The following BCOR variants were observed in gnomAD, a reference collection of about 807,000 sequenced individuals.
BCOR encodes the protein BCL6 corepressor, also known as BCL-6 corepressor.
BCOR carries 10 observed loss-of-function variants against 86.7 expected under a neutral mutation model. The observed-to-expected ratio is 0.12, with a 90% confidence interval of 0.07 to 0.20. BCOR has a LOEUF of 0.20. Ranked by LOEUF, BCOR falls within the 10% of genes least tolerant of loss-of-function variation. BCOR has a pLI of 1.00. For missense variants in BCOR, 1,259 were observed against 1,452.1 expected, an observed-to-expected ratio of 0.87 and a Z score of 2.16; for synonymous variants, 611 against 609.0, an observed-to-expected ratio of 1.00 and a Z score of -0.05.
At chrX:40,107,431 G>A (rs1210017255) in intron 1 of BCOR, among the ~76,000 whole-genome samples, 1 of 111,932 alleles carries the variant, frequency 8.9e-6, no homozygotes, top group Non-Finnish European at 1.9e-5. Flanking sequence ...AAGCGCGCGC[G>A]CTCCCTAGCT....
chrX:40,128,649 G>A (rs994976798), intron 1 of BCOR, among the ~76,000 whole-genome samples: 1 of 112,131 alleles, frequency 8.9e-6, no homozygotes, highest in East Asian at 2.8e-4. Flanking sequence ...AGGGAGCAGG[G>A]ACCACCTTGC....
intron 1 of BCOR, among the ~76,000 whole-genome samples, chrX:40,122,864 T>G (rs1404279953): frequency 1.8e-5 from 2 of 111,992 alleles, no homozygotes; most frequent in East Asian, 5.6e-4. Flanking sequence ...GCTTTTGCCA[T>G]CAAAGGCTTA....
intron 1 of BCOR, among the ~76,000 whole-genome samples, chrX:40,175,137 T>C (rs1790697355): frequency 9.5e-6 from 1 of 104,995 alleles, no homozygotes; most frequent in South Asian, 4.8e-4. Flanking sequence ...CTGTCATTTT[T>C]TCCATCGGTC....
Position 40,071,053 on chromosome X carries a change from C to T in BCOR, c.3158G>A (p.Arg1053Lys), listed in dbSNP as rs1935451934. 1 of 1,209,672 alleles carries T rather than the reference C, an allele frequency of 8.3e-7. No individual in the cohort carries two copies. The highest frequency in any genetic ancestry group is 1.8e-5 in the African/African-American group (1 of 57,076). The change falls in exon 6 of 15, where the codon AGG becomes AAG. Residue 1053 changes from arginine to lysine, a missense_variant. Transcript: ENST00000378444. ...CTTTTTGTCCTGATTTCCTTTCAAC[C>T]TTTCCCAGTCGGCTGGGCTGAATTT... ...MCKFSPADWE[R>K]LKGNQDKKPK... is the part of the protein sequence containing the mutation.
intron 1 of BCOR, among the ~76,000 whole-genome samples, chrX:40,161,111 G>A (rs974620342): frequency 1.9e-5 from 2 of 105,667 alleles, no homozygotes; most frequent in African/African-American, 7.0e-5. Flanking sequence ...GGGCTGGAGC[G>A]ATTCTCCCAC....
chrX:40,106,390 G>A (rs953017910), intron 1 of BCOR, among the ~76,000 whole-genome samples: 1 of 112,230 alleles, frequency 8.9e-6, no homozygotes, highest in Non-Finnish European at 1.9e-5. Context: ...GGCGTGTGCG[G>A]CGGCCCCGCG....
At chrX:40,148,150 C>A (rs1453770240) in intron 1 of BCOR, among the ~76,000 whole-genome samples, 1 of 112,208 alleles carries the variant, frequency 8.9e-6, no homozygotes, top group African/African-American at 3.2e-5. Flanking sequence ...CCTGAAGGCA[C>A]TGCCCACACC....
At chrX:40,099,195 G>A (rs1937021449), upstream of BCOR, among the ~76,000 whole-genome samples, 1 of 111,549 alleles carries the variant, frequency 9.0e-6, no homozygotes, top group Non-Finnish European at 1.9e-5. Flanking sequence ...AGCGCACCCG[G>A]CGCGGCTCTG....
chrX:40,059,426 G>C (rs114035119), intron 10 of BCOR, among the ~76,000 whole-genome samples: 1,194 of 112,314 alleles, frequency 0.011, 16 homozygotes, highest in African/African-American at 0.037. Context: ...GTTTCCAAAG[G>C]CCCAATCAAG....
intron 1 of BCOR, among the ~76,000 whole-genome samples, chrX:40,158,629 G>A (rs1009272668): frequency 8.9e-6 from 1 of 112,570 alleles, no homozygotes; most frequent in Non-Finnish European, 1.9e-5. Flanking sequence ...CGCTTCTCCC[G>A]CGCACCCCAG....
At chrX:40,119,008 T>C (rs941635036) in intron 1 of BCOR, among the ~76,000 whole-genome samples, 2 of 112,065 alleles carry the variant, frequency 1.8e-5, no homozygotes, top group African/African-American at 6.5e-5. Context: ...AATTTTTGTA[T>C]TTTTAGTAGA....
chrX:40,052,478 C>A (rs1241156734), intron 14 of BCOR, 78 bp from the exon 15 acceptor site: 1 of 950,159 alleles, frequency 1.1e-6, no homozygotes. Context: ...TAACTACCAA[C>A]CCAAGTGGAC....
chrX:40,147,870 T>G (rs2147980577), intron 1 of BCOR, among the ~76,000 whole-genome samples: 1 of 112,661 alleles, frequency 8.9e-6, no homozygotes, highest in South Asian at 3.6e-4. Flanking sequence ...GGCTTGGGCC[T>G]ACAGTTGGCT....
chrX:40,141,104 G>A (rs1288267250), intron 1 of BCOR, among the ~76,000 whole-genome samples: 4 of 112,443 alleles, frequency 3.6e-5, no homozygotes, highest in Non-Finnish European at 3.8e-5. Context: ...GGTCTGAGAG[G>A]GCTGCCAAGG....
At chrX:40,145,175 G>C (rs1049664963) in intron 1 of BCOR, among the ~76,000 whole-genome samples, 1 of 111,434 alleles carries the variant, frequency 9.0e-6, no homozygotes, top group African/African-American at 3.3e-5. Context: ...AGAGCAGCCT[G>C]GCGCGTCCTG....
rs753524032 is a variant in BCOR, at chrX:40,139,398, T to TATATAC, written c.-41+37608_-41+37609insGTATAT. Reference sequence around the variant, plus strand: ...TATATATATATAATATATATACATATATATATATATATATATAATATATAT... The same window carrying TATATAC: ...TATATATATATAATATATATACATATATATACATATATATATATATATAATATATAT... On this transcript the variant is annotated intron_variant, in intron 1 of 14. Coordinates refer to the BCOR transcript ENST00000342274. Among the ~76,000 whole-genome samples the TATATAC allele has an allele frequency of 1.0e-3, 16 of 15,428 alleles. 4 individuals carry two copies. Among genetic ancestry groups the TATATAC allele is most frequent in the Admixed American group, 3.9e-3 (3 of 771 alleles). 13.4% of individuals were successfully genotyped at this position (15,428 alleles called of 115,157 possible). A position where few individuals can be genotyped will look rare whatever the true frequency, so the allele number is the denominator to read the frequency against.
chrX:40,105,317 G>A, intron 1 of BCOR, among the ~76,000 whole-genome samples: 1 of 111,337 alleles, frequency 9.0e-6, no homozygotes, highest in Non-Finnish European at 1.9e-5. Flanking sequence ...CCAGGGGAGG[G>A]TGCTCCTCGC....
intron 1 of BCOR, among the ~76,000 whole-genome samples, chrX:40,113,835 T>C (rs1937352247): frequency 9.1e-6 from 1 of 110,036 alleles, no homozygotes; most frequent in East Asian, 2.8e-4. Context: ...TCTTTTTTTT[T>C]TGAGATAGAG....
At chrX:40,085,118 C>T (rs754672741) in intron 1 of BCOR, among the ~76,000 whole-genome samples, 2 of 113,173 alleles carry the variant, frequency 1.8e-5, no homozygotes, top group African/African-American at 6.4e-5. Context: ...TAAAATGCCC[C>T]GAACAGCGCT....
Sources: gnomAD v4.1 joint callset for allele counts (sites outside exome capture counted in the v4.1 genomes callset) on GRCh38, gnomAD v4.1.1 for gene constraint, MANE v1.5 for transcripts, NCBI Gene and HGNC (gene_info 2026-07-23, HGNC 2026-07-21) for gene names.